The following MYOZ1 variants were observed in gnomAD, a reference collection of about 807,000 sequenced individuals.
The protein encoded by MYOZ1 is myozenin-1.
Under a neutral mutation model 28.7 loss-of-function variants are expected in MYOZ1, and 20 were observed. The observed-to-expected ratio is 0.70, with a 90% confidence interval of 0.49 to 1.01. MYOZ1 has a LOEUF of 1.01. MYOZ1 is among the 50% of genes least tolerant of loss of function. MYOZ1 has a pLI of 0.00. For missense variants in MYOZ1, 371 were observed against 372.4 expected, an observed-to-expected ratio of 1.00 and a Z score of 0.03; for synonymous variants, 144 against 145.8, an observed-to-expected ratio of 0.99 and a Z score of 0.09.
chr10:73,634,456 C>A, intron 4 of MYOZ1, 28 bp downstream of exon 4: 1 of 1,612,124 alleles, frequency 6.2e-7, no homozygotes, highest in East Asian at 2.2e-5. Flanking sequence ...AGGGACCAAA[C>A]ACATTACTCT....
intron 3 of MYOZ1, among the ~76,000 whole-genome samples, 169 bp from the exon 4 acceptor site, chr10:73,634,902 A>T (rs1005117434): frequency 6.6e-6 from 1 of 152,014 alleles, no homozygotes; most frequent in African/African-American, 2.4e-5. Context: ...AAGAGAATTA[A>T]ACTCTTCTTT....
In MYOZ1 at chr10:73,631,768, G is replaced by A. The variant is rs897071485; in HGVS notation, c.*162C>T. 44 of 636,260 alleles carry A rather than the reference G, an allele frequency of 6.9e-5. No individual in the cohort carries two copies. Among genetic ancestry groups the A allele is most frequent in the East Asian group, 2.0e-4 (7 of 35,640 alleles). The allele number at this position is 636,260 out of a possible 1,614,324, so 39.4% of individuals were successfully genotyped here. ...GCTCTGAGTTGGTGAGGAAGGATGC[G>A]TGGAGTGGGGACTTGGAGTAAAGGA... On this transcript the variant is annotated 3_prime_UTR_variant, in exon 6 of 6. Coordinates refer to ENST00000359322, the MANE Select transcript of MYOZ1 (RefSeq NM_021245.4).
intron 3 of MYOZ1, among the ~76,000 whole-genome samples, chr10:73,636,719 G>A (rs577783460): frequency 1.3e-5 from 2 of 152,190 alleles, no homozygotes; most frequent in African/African-American, 4.8e-5. Flanking sequence ...GCATCCCAAA[G>A]TGCTGGGATT....
At position 73,632,051 on chromosome 10, in the gene MYOZ1, T is replaced by C; in HGVS notation, c.779A>G (p.Gln260Arg). 6.2e-6 allele frequency: 10 copies of C among 1,614,142 alleles called. No homozygotes were observed. Among genetic ancestry groups the C allele is most frequent in the Non-Finnish European group, 8.5e-6 (10 of 1,180,028 alleles). ...LLSEPLVLYNQNLSNRPSFNR... is the reference protein window; with the variant it reads ...LLSEPLVLYNRNLSNRPSFNR... Reference sequence around the variant, plus strand: ...GAAAGAAGGCCTGTTGGAGAGGTTTTGGTTGTAGAGGACCAGGGGTTCACT... The same window carrying C: ...GAAAGAAGGCCTGTTGGAGAGGTTTCGGTTGTAGAGGACCAGGGGTTCACT... The change falls in exon 6 of 6, where the codon CAA becomes CGA. Residue 260 changes from glutamine to arginine, a missense_variant. Coordinates refer to ENST00000359322, the MANE Select transcript of MYOZ1 (RefSeq NM_021245.4).
intron 1 of MYOZ1, 42 bp from the exon 2 acceptor site, chr10:73,640,077 C>G: frequency 1.3e-6 from 2 of 1,524,158 alleles, no homozygotes; most frequent in Admixed American, 1.7e-5. Flanking sequence ...TGGACAGGGA[C>G]TGGGAAGAGT....
chr10:73,637,069 A>G (rs1267683148), intron 3 of MYOZ1, among the ~76,000 whole-genome samples: 3 of 134,914 alleles, frequency 2.2e-5, no homozygotes, highest in Non-Finnish European at 4.5e-5. Context: ...GCTGGAGTGC[A>G]GTGGCACAAT....
intron 3 of MYOZ1, among the ~76,000 whole-genome samples, chr10:73,634,970 G>A (rs1310988100): frequency 1.3e-5 from 2 of 152,120 alleles, no homozygotes; most frequent in Non-Finnish European, 2.9e-5. Context: ...TGTTGCCCAG[G>A]CTGGAGTGTG....
chr10:73,640,762 C>A (rs1365399887), intron 1 of MYOZ1, among the ~76,000 whole-genome samples: 1 of 152,150 alleles, frequency 6.6e-6, no homozygotes, highest in East Asian at 1.9e-4. Flanking sequence ...CAGTCTTCCC[C>A]CAGTCCCCAG....
intron 5 of MYOZ1, among the ~76,000 whole-genome samples, chr10:73,633,027 T>G (rs909680312): frequency 3.9e-5 from 6 of 152,146 alleles, no homozygotes; most frequent in Non-Finnish European, 7.3e-5. Context: ...CCAGGCATGG[T>G]GGCTCACGCC....
At chr10:73,639,021 G>C (rs2081687249) in intron 2 of MYOZ1, among the ~76,000 whole-genome samples, 1 of 146,734 alleles carries the variant, frequency 6.8e-6, no homozygotes, top group African/African-American at 2.5e-5. Flanking sequence ...TGTCCAGGCT[G>C]GTCTTGAACT....
At chr10:73,638,970 T>G (rs983961259) in intron 2 of MYOZ1, among the ~76,000 whole-genome samples, 4 of 147,652 alleles carry the variant, frequency 2.7e-5, no homozygotes, top group Non-Finnish European at 3.0e-5. Context: ...CTGGACTTTT[T>G]TTTTTTTTTT....
chr10:73,634,148 G>A, intron 4 of MYOZ1, 83 bp from the exon 5 acceptor site: 2 of 1,467,600 alleles, frequency 1.4e-6, no homozygotes, highest in Non-Finnish European at 1.9e-6. Context: ...CTACACTAGG[G>A]AAATTGCAAG....
chr10:73,639,103 G>A (rs1168515612), intron 2 of MYOZ1, among the ~76,000 whole-genome samples: 1 of 150,948 alleles, frequency 6.6e-6, no homozygotes, highest in Non-Finnish European at 1.5e-5. Flanking sequence ...CACAGCCCCA[G>A]CCCTATTTGT....
Position 73,639,978 on chromosome 10 carries a change from T to G in MYOZ1, c.40A>C (p.Lys14Gln), listed in dbSNP as rs1413287223. 3 of 1,613,900 alleles carry G rather than the reference T, an allele frequency of 1.9e-6. No homozygotes were observed. The highest frequency in any genetic ancestry group is 2.5e-6 in the Non-Finnish European group (3 of 1,179,982). ...SGTPAPNKKR[K>Q]SSKLIMELTG... The stretch of plus-strand genomic sequence containing the variant: ...AGTTCCATGATCAGCTTGCTGGATT[T>G]CCTCTTCTTATTAGGGGCCGGGGTT... The change falls in exon 2 of 6, where the codon AAA becomes CAA. Residue 14 changes from lysine (K) to glutamine (Q), a missense_variant. Lys to Gln is a moderately conservative substitution (Grantham distance 53). Coordinates refer to ENST00000359322, the MANE Select transcript of MYOZ1 (RefSeq NM_021245.4).
chr10:73,633,222 A>G (rs113229518), intron 5 of MYOZ1, among the ~76,000 whole-genome samples: 5,305 of 152,192 alleles, frequency 0.035, 152 homozygotes, highest in South Asian at 0.11. Context: ...ACTTGAACCC[A>G]GGAGGCGGAG....
chr10:73,637,792 C>A lies in MYOZ1; in HGVS notation c.204G>T (p.Glu68Asp). ...CAGGGTGGTTCTCATAAATAAACTT[C>A]TCCACCCTCATCTGCCGCAGTTTGA... ...KMFKLRQMRVEKFIYENHPDV... is the reference protein window; with the variant it reads ...KMFKLRQMRVDKFIYENHPDV... The change falls in exon 3 of 6, where the codon GAG becomes GAT. Residue 68 changes from glutamate to aspartate, a missense_variant. Transcript: ENST00000359322. 6.2e-7 allele frequency: 1 copy of A among 1,614,150 alleles called. No individual in the cohort carries two copies.
rs750310470 is a variant in MYOZ1 at position 73,634,074 on chromosome 10, C to A, written c.503-9G>T. The A allele has an allele frequency of 5.0e-6, 8 of 1,613,798 alleles. No individual in the cohort carries two copies. Among genetic ancestry groups the A allele is most frequent in the Middle Eastern group, 1.6e-4 (1 of 6,076 alleles). On this transcript the variant is annotated splice_polypyrimidine_tract_variant and intron_variant, in intron 4 of 5. Transcript: ENST00000359322. ...TCCGCCTGCCTGGTCTCCTGGTAGC[C>A]ATGGGAGAGAAAATTCAGTCAAATA...
chr10:73,638,870 T>C, intron 2 of MYOZ1, among the ~76,000 whole-genome samples: 1 of 151,268 alleles, frequency 6.6e-6, no homozygotes, highest in East Asian at 1.9e-4. Context: ...TTCACCATGT[T>C]GGCCGGGCTG....
chr10:73,631,831 T>C lies in MYOZ1; in HGVS notation c.*99A>G, dbSNP rs2132403515. On this transcript the variant is annotated 3_prime_UTR_variant, in exon 6 of 6. Transcript: ENST00000359322. The stretch of plus-strand genomic sequence containing the variant: ...TCTCTCCTTTTTCCCTCCATTCCCA[T>C]AAGGATACTGGATTAACAATGGGGG... The C allele has an allele frequency of 9.5e-7, 1 of 1,057,094 alleles. No individual in the cohort carries two copies. The highest frequency in any genetic ancestry group is 1.4e-5 in the South Asian group (1 of 69,446). 65.5% of individuals were successfully genotyped at this position (1,057,094 alleles called of 1,614,324 possible).
Sources: gnomAD v4.1 joint callset for allele counts (sites outside exome capture counted in the v4.1 genomes callset) on GRCh38, gnomAD v4.1.1 for gene constraint, MANE v1.5 for transcripts, NCBI Gene and HGNC (gene_info 2026-07-23, HGNC 2026-07-21) for gene names.